CNKSR3: variants seen among roughly 807,000 people sequenced by gnomAD.
CNKSR3 encodes the protein connector enhancer of kinase suppressor of ras 3.
CNKSR3 carries 36 observed loss-of-function variants against 67.7 expected under a neutral mutation model. That is an observed-to-expected ratio of 0.53 (90% CI 0.41 to 0.70). The LOEUF is 0.70. CNKSR3 is among the 30% of genes least tolerant of loss of function. The probability of loss-of-function intolerance (pLI) is 0.00; values close to 1 mark genes in which losing one functional copy is unlikely to be tolerated. For missense variants in CNKSR3, 630 were observed against 695.2 expected, an observed-to-expected ratio of 0.91 and a Z score of 1.05; for synonymous variants, 281 against 271.4, an observed-to-expected ratio of 1.04 and a Z score of -0.35.
rs1784772573 is a variant in CNKSR3 at position 154,405,656 on chromosome 6, A to T, written c.*698T>A. On this transcript the variant is annotated 3_prime_UTR_variant, in exon 13 of 13. Transcript: ENST00000607772. The stretch of plus-strand genomic sequence containing the variant: ...TATAGCTTCTTTTCCCTTAAAGACA[A>T]TAATATATAACAACACCACCCCACA... 1 of 152,236 alleles carries T rather than the reference A, an allele frequency of 6.6e-6. No homozygotes were observed. The highest frequency in any genetic ancestry group is 1.5e-5 in the Non-Finnish European group (1 of 68,038). 9.4% of individuals were successfully genotyped at this position (152,236 alleles called of 1,614,324 possible). A position where few individuals can be genotyped will look rare whatever the true frequency, so the allele number is the denominator to read the frequency against.
chr6:154,454,922 C>T (rs1489913592), intron 1 of CNKSR3, among the ~76,000 whole-genome samples: 3 of 152,042 alleles, frequency 2.0e-5, no homozygotes, highest in Non-Finnish European at 4.4e-5. Flanking sequence ...ATTACCTTTC[C>T]CAGAACGTGT....
chr6:154,487,005 G>A (rs775022787), intron 1 of CNKSR3, among the ~76,000 whole-genome samples: 5 of 151,738 alleles, frequency 3.3e-5, no homozygotes, highest in Admixed American at 2.0e-4. Context: ...GGTGGTGAGG[G>A]GGTTCAAGTG....
At chr6:154,434,584 T>A (rs1330167660) in intron 4 of CNKSR3, among the ~76,000 whole-genome samples, 1 of 152,242 alleles carries the variant, frequency 6.6e-6, no homozygotes, top group Non-Finnish European at 1.5e-5. Context: ...TTTTATTGTC[T>A]TCTTACATTT....
intron 1 of CNKSR3, among the ~76,000 whole-genome samples, chr6:154,476,765 A>G (rs181590524): frequency 1.5e-3 from 229 of 152,344 alleles, no homozygotes; most frequent in African/African-American, 5.3e-3. Flanking sequence ...GAATGAAGAA[A>G]TCATTAACTC....
chr6:154,435,800 T>C (rs1785459192), intron 4 of CNKSR3, among the ~76,000 whole-genome samples: 1 of 152,254 alleles, frequency 6.6e-6, no homozygotes, highest in Non-Finnish European at 1.5e-5. Context: ...CCTCCTATTC[T>C]GCCTTCTCAG....
At chr6:154,414,466 T>C in intron 9 of CNKSR3, 43 bp from the exon 10 acceptor site, 1 of 1,556,632 alleles carries the variant, frequency 6.4e-7, no homozygotes, top group Non-Finnish European at 8.7e-7. Flanking sequence ...TGGAGATCAA[T>C]TCAGAGATGA....
In CNKSR3 at chr6:154,432,429, G is replaced by C. The variant is rs548385000; in HGVS notation, c.549+1037C>G. On this transcript the variant is annotated intron_variant, in intron 5 of 12. Transcript: ENST00000607772. ...TATTTTGGATACAAGTCCTTTATCT[G>C]ATAGGTGTTTTGAAAATATATATCC... is the stretch of plus-strand genomic sequence containing the variant. Among the ~76,000 whole-genome samples, 4 of 152,184 alleles carry C rather than the reference G, an allele frequency of 2.6e-5. No homozygotes were observed. The South Asian group carries it at 8.3e-4, about 32-fold the overall frequency.
intron 1 of CNKSR3, among the ~76,000 whole-genome samples, chr6:154,488,212 C>T (rs1272167034): frequency 6.6e-6 from 1 of 152,168 alleles, no homozygotes; most frequent in Admixed American, 6.5e-5. Flanking sequence ...CCAACCTTAA[C>T]CCACAAAATT....
At chr6:154,461,440 G>A (rs889529635) in intron 1 of CNKSR3, among the ~76,000 whole-genome samples, 2 of 152,172 alleles carry the variant, frequency 1.3e-5, no homozygotes, top group Non-Finnish European at 2.9e-5. Flanking sequence ...TTAAACAATT[G>A]TAAAATAAGC....
At chr6:154,458,783 C>A (rs1165943599) in intron 1 of CNKSR3, among the ~76,000 whole-genome samples, 1 of 152,172 alleles carries the variant, frequency 6.6e-6, no homozygotes, top group African/African-American at 2.4e-5. Flanking sequence ...CTGACACCCA[C>A]GCACACTACT....
intron 9 of CNKSR3, among the ~76,000 whole-genome samples, chr6:154,422,112 C>T (rs1039203776): frequency 6.6e-6 from 1 of 151,958 alleles, no homozygotes; most frequent in East Asian, 1.9e-4. Flanking sequence ...CCTGCCTCAG[C>T]CTCCCCAGCA....
At position 154,399,353 on chromosome 6, in the gene CNKSR3, C is replaced by G. The variant is rs1418545838; in HGVS notation, c.*7001G>C. 1 of 152,248 alleles carries G rather than the reference C, an allele frequency of 6.6e-6. No individual in the cohort carries two copies. Among genetic ancestry groups the G allele is most frequent in the African/African-American group, 2.4e-5 (1 of 41,450 alleles). The allele number at this position is 152,248 out of a possible 1,614,324, so 9.4% of individuals were successfully genotyped here. A position where few individuals can be genotyped will look rare whatever the true frequency, so the allele number is the denominator to read the frequency against. On this transcript the variant is annotated 3_prime_UTR_variant, in exon 13 of 13. Coordinates refer to ENST00000607772, the MANE Select transcript of CNKSR3 (RefSeq NM_173515.4). ...ACTACAGGAACACGAGTCAACATCT[C>G]TTAAATGCTGTGTGCCAGACTATGC...
At chr6:154,430,676 C>A in intron 5 of CNKSR3, 85 bp from the exon 6 acceptor site, 1 of 1,313,542 alleles carries the variant, frequency 7.6e-7, no homozygotes, top group Admixed American at 2.1e-5. Flanking sequence ...ATGCATTTCA[C>A]CTATAATTGT....
chr6:154,388,317 T>G lies in CNKSR3; in HGVS notation c.*18037A>C, dbSNP rs1435737738. The G allele has an allele frequency of 6.6e-6, 1 of 152,262 alleles. No individual in the cohort carries two copies. The highest frequency in any genetic ancestry group is 1.5e-5 in the Non-Finnish European group (1 of 68,050). The allele number at this position is 152,262 out of a possible 1,614,324, so 9.4% of individuals were successfully genotyped here. A position where few individuals can be genotyped will look rare whatever the true frequency, so the allele number is the denominator to read the frequency against. Reference sequence around the variant, plus strand: ...CTTAGCGTAATGTCCTTAAGATTTATCCATGTTGTTGAATAATTGCAGAAT... The same window carrying G: ...CTTAGCGTAATGTCCTTAAGATTTAGCCATGTTGTTGAATAATTGCAGAAT... On this transcript the variant is annotated 3_prime_UTR_variant, in exon 13 of 13. Coordinates refer to ENST00000607772, the MANE Select transcript of CNKSR3 (RefSeq NM_173515.4).
intron 1 of CNKSR3, among the ~76,000 whole-genome samples, chr6:154,469,334 C>G (rs1049122943): frequency 2.6e-5 from 4 of 152,028 alleles, no homozygotes; most frequent in Non-Finnish European, 5.9e-5. Flanking sequence ...ACTTTAAGCC[C>G]TCCTCCCCCA....
chr6:154,431,800 CTTGTAAGT>C (rs150709149), intron 5 of CNKSR3, among the ~76,000 whole-genome samples: 7,134 of 152,212 alleles, frequency 0.047, 187 homozygotes, highest in African/African-American at 0.074. Flanking sequence ...TAACAACATA[CTTGTAAGT>C]TTCCTCCATA....
rs115154306 is a variant in CNKSR3, at chr6:154,439,751, G to A, written c.507+1541C>T. Among the ~76,000 whole-genome samples, 892 of 152,180 alleles carry A rather than the reference G, an allele frequency of 5.9e-3. 10 individuals are homozygous for A. Among genetic ancestry groups the A allele is most frequent in the African/African-American group, 0.02 (840 of 41,540 alleles). On this transcript the variant is annotated intron_variant, in intron 4 of 12. Coordinates refer to ENST00000607772, the MANE Select transcript of CNKSR3 (RefSeq NM_173515.4). ...TACAAAAAAATGAAAAATTAGCTGG[G>A]CATGGTAGCATGCACCTGCAGTCCC...
rs1379168286 is a variant in CNKSR3, at chr6:154,401,052, A to C, written c.*5302T>G. On this transcript the variant is annotated 3_prime_UTR_variant, in exon 13 of 13. Coordinates refer to ENST00000607772, the MANE Select transcript of CNKSR3 (RefSeq NM_173515.4). ...CAAAATTTTCCACGTATTGGAAGAA[A>C]CATCAGAAATCAGCTTTTGTGTGCT... 6.6e-6 allele frequency: 1 copy of C among 152,240 alleles called. No individual in the cohort carries two copies. The highest frequency in any genetic ancestry group is 1.5e-5 in the Non-Finnish European group (1 of 68,040). The allele number at this position is 152,240 out of a possible 1,614,324, so 9.4% of individuals were successfully genotyped here.
Position 154,510,343 on chromosome 6 carries a change from C to T in CNKSR3, c.-229G>A, listed in dbSNP as rs1009793443. On this transcript the variant is annotated 5_prime_UTR_variant, in exon 1 of 13. Transcript: ENST00000607772. ...CAGTCCAGCTGCAGCTCCTCCTTCC[C>T]CCGCCGCCGCCGGGATCCCGGGCAC... The T allele has an allele frequency of 9.1e-5, 50 of 546,622 alleles. No individual in the cohort carries two copies. The highest frequency in any genetic ancestry group is 1.4e-4 in the Non-Finnish European group (43 of 312,336). 33.9% of individuals were successfully genotyped at this position (546,622 alleles called of 1,614,324 possible).
Sources: gnomAD v4.1 joint callset for allele counts (sites outside exome capture counted in the v4.1 genomes callset) on GRCh38, gnomAD v4.1.1 for gene constraint, MANE v1.5 for transcripts, NCBI Gene and HGNC (gene_info 2026-07-23, HGNC 2026-07-21) for gene names.